The following TFAP2A variants were observed in gnomAD, a reference collection of about 807,000 sequenced individuals.
The protein encoded by TFAP2A is transcription factor AP-2-alpha.
In TFAP2A, 7 loss-of-function variants were observed where a neutral mutation model predicts 41.5. That is an observed-to-expected ratio of 0.17 (90% CI 0.10 to 0.32). The LOEUF (loss-of-function observed/expected upper bound fraction) is 0.32. Ranked by LOEUF, TFAP2A falls within the 10% of genes least tolerant of loss-of-function variation. The probability of loss-of-function intolerance (pLI) is 1.00; values close to 1 mark genes in which losing one functional copy is unlikely to be tolerated. For missense variants in TFAP2A, 416 were observed against 563.3 expected (o/e 0.74, Z 2.65); for synonymous variants, 247 against 242.8 (o/e 1.02, Z -0.16).
At chr6:10,416,841 G>GCTA (rs1758264135), upstream of TFAP2A, 1 of 152,348 alleles carries the variant, frequency 6.6e-6, no homozygotes. Flanking sequence ...GCTCCAAAAA[G>GCTA]CTAGGGAGAA....
chr6:10,400,494 C>T lies in TFAP2A; in HGVS notation c.985G>A (p.Asp329Asn), dbSNP rs575186761. 44 of 1,614,030 alleles carry T rather than the reference C, an allele frequency of 2.7e-5. No individual in the cohort carries two copies. The highest frequency in any genetic ancestry group is 3.4e-5 in the Non-Finnish European group (40 of 1,180,040). ...TTTCTTGTCACTTGCTCATTGGGATCGGAATGTTGTCGGTTGAGAAATTCA... is the reference window on the plus strand; with the variant it reads ...TTTCTTGTCACTTGCTCATTGGGATTGGAATGTTGTCGGTTGAGAAATTCA... ...VAEFLNRQHS[D>N]PNEQVTRKNM... Residue 329 changes from aspartate (D) to asparagine (N), a missense_variant, in exon 6 of 7, where the codon GAT (aspartate) becomes AAT (asparagine). This residue lies in a region of TFAP2A where 116 missense variants were observed against 153.8 expected (regional missense o/e 0.75). Transcript: ENST00000379613.
At chr6:10,415,221 A>G, upstream of TFAP2A, 3 of 1,472,052 alleles carry the variant, frequency 2.0e-6, no homozygotes, top group Non-Finnish European at 2.7e-6. Context: ...GGAGGAGAGA[A>G]GGGAAAGAGC....
At position 10,410,247 on chromosome 6, in the gene TFAP2A, A is replaced by G. The variant is rs751224702; in HGVS notation, c.140T>C (p.Leu47Pro). ...GAAGTCGGCATTGGGGGTGTGGGAC[A>G]GCGGCGGGGCGCTCGTGTAGGGAGA... ...GQSPYTSAPP[L>P]SHTPNADFQP... is the part of the protein sequence containing the mutation. The change falls in exon 2 of 7, where the codon CTG becomes CCG. Residue 47 changes from leucine to proline, a missense_variant. Transcript: ENST00000379613. The G allele has an allele frequency of 9.3e-6, 15 of 1,611,804 alleles. No homozygotes were observed. The highest frequency in any genetic ancestry group is 1.2e-5 in the Non-Finnish European group (14 of 1,179,152).
At chr6:10,404,250 C>T (rs1410059159) in intron 4 of TFAP2A, among the ~76,000 whole-genome samples, 1 of 152,164 alleles carries the variant, frequency 6.6e-6, no homozygotes, top group Non-Finnish European at 1.5e-5. Context: ...TCCGCGAGCG[C>T]GCGGCAGCGA....
chr6:10,402,381 C>T, intron 5 of TFAP2A, 111 bp downstream of exon 5: 1 of 858,792 alleles, frequency 1.2e-6, no homozygotes, highest in Non-Finnish European at 2.0e-6. Context: ...ATATTCTCTG[C>T]AAAGATGAAA....
chr6:10,411,626 G>C, intron 1 of TFAP2A: 1 of 1,613,806 alleles, frequency 6.2e-7, no homozygotes, highest in Non-Finnish European at 8.5e-7. Context: ...ACGAGTCAGG[G>C]TGGAAAAAAA....
Position 10,411,703 on chromosome 6 carries a change from C to T in TFAP2A, c.52-1368G>A, listed in dbSNP as rs1009527188. ...CGCCCCACACAAAAGGCGCCGAGAG[C>T]CCCGCGCCACCCAGGACTCCAGTCA... On this transcript the variant is annotated intron_variant, in intron 1 of 6. Coordinates refer to ENST00000379613, the MANE Select transcript of TFAP2A (RefSeq NM_001372066.1). 5 of 1,578,676 alleles carry T rather than the reference C, an allele frequency of 3.2e-6. No homozygotes were observed. In the African/African-American group the frequency reaches 5.4e-5, roughly 17 times the overall value.
chr6:10,414,458 G>A (rs1196505962), intron 1 of TFAP2A: 2 of 269,626 alleles, frequency 7.4e-6, no homozygotes, highest in South Asian at 3.8e-5. Flanking sequence ...GGGGTGGGGG[G>A]AAGAAAGAAT....
chr6:10,415,036 T>C lies in TFAP2A; in HGVS notation c.-45A>G, dbSNP rs1020933243. The C allele has an allele frequency of 6.2e-7, 1 of 1,613,716 alleles. No homozygotes were observed. Among genetic ancestry groups the C allele is most frequent in the Non-Finnish European group, 8.5e-7 (1 of 1,179,956 alleles). On this transcript the variant is annotated 5_prime_UTR_variant, in exon 1 of 7. Coordinates refer to ENST00000379613, the MANE Select transcript of TFAP2A (RefSeq NM_001372066.1). ...TGCCCCTCTCGGTCTCGCACCCAAG[T>C]GGAGCTACTCTCTGGGTGAGCGCAA... is the stretch of plus-strand genomic sequence containing the variant.
intron 2 of TFAP2A, chr6:10,407,194 G>A (rs189525197): frequency 9.9e-4 from 298 of 302,074 alleles, no homozygotes; most frequent in Non-Finnish European, 1.6e-3. Flanking sequence ...TTAGATTGGC[G>A]CCTCAGCGGC....
At chr6:10,417,610 G>A (rs1425798247), upstream of TFAP2A, among the ~76,000 whole-genome samples, 1 of 152,230 alleles carries the variant, frequency 6.6e-6, no homozygotes, top group Non-Finnish European at 1.5e-5. Flanking sequence ...GGGCGTCGCG[G>A]GGAAGAGGGA....
chr6:10,403,009 G>C (rs995637227), intron 4 of TFAP2A, among the ~76,000 whole-genome samples: 3 of 152,242 alleles, frequency 2.0e-5, no homozygotes, highest in Admixed American at 6.5e-5. Flanking sequence ...TGCAAGATAT[G>C]CTGTTAGGTT....
At chr6:10,418,910 C>T (rs1454821899), upstream of TFAP2A, among the ~76,000 whole-genome samples, 2 of 152,154 alleles carry the variant, frequency 1.3e-5, no homozygotes, top group Non-Finnish European at 2.9e-5. Flanking sequence ...CTTCACACAT[C>T]CTAGATCTCC....
At chr6:10,401,868 T>C (rs761169037) in intron 5 of TFAP2A, among the ~76,000 whole-genome samples, 4 of 152,182 alleles carry the variant, frequency 2.6e-5, no homozygotes, top group Non-Finnish European at 5.9e-5. Flanking sequence ...TGGCTTTTTG[T>C]TTTGAGGCAT....
intron 1 of TFAP2A, chr6:10,412,138 C>T (rs1420449478): frequency 2.0e-6 from 2 of 991,708 alleles, no homozygotes; most frequent in East Asian, 1.1e-4. Flanking sequence ...CAATGCAGTC[C>T]ATTGACGGGA....
intron 4 of TFAP2A, 30 bp downstream of exon 4, chr6:10,404,478 C>G (rs953690303): frequency 1.1e-5 from 16 of 1,459,444 alleles, no homozygotes; most frequent in Non-Finnish European, 1.5e-5. Flanking sequence ...GGCCGCGGGG[C>G]GGGGCGGGCG....
chr6:10,405,216 C>T (rs1233111928), intron 3 of TFAP2A: 1 of 158,794 alleles, frequency 6.3e-6, no homozygotes, highest in Non-Finnish European at 1.4e-5. Context: ...GCTTCAAAGA[C>T]CCATTATTAA....
chr6:10,415,074 C>A lies in TFAP2A; in HGVS notation c.-83G>T, dbSNP rs1800927. On this transcript the variant is annotated 5_prime_UTR_variant, in exon 1 of 7. Coordinates refer to ENST00000379613, the MANE Select transcript of TFAP2A (RefSeq NM_001372066.1). ...TGGGTGAGCGCAAAGTGCTGGCTGC[C>A]GGCGGTGAGCGCAGGAGGAGGAGGA... 5 of 1,611,430 alleles carry A rather than the reference C, an allele frequency of 3.1e-6. No homozygotes were observed. Among genetic ancestry groups the A allele is most frequent in the Non-Finnish European group, 3.4e-6 (4 of 1,178,948 alleles).
intron 3 of TFAP2A, 164 bp downstream of exon 3, chr6:10,406,629 C>T: frequency 1.5e-6 from 1 of 675,874 alleles, no homozygotes; most frequent in East Asian, 2.7e-5. Context: ...TACCAACATA[C>T]TGAAGGCTGA....
Sources: gnomAD v4.1 joint callset for allele counts (sites outside exome capture counted in the v4.1 genomes callset) on GRCh38, gnomAD v4.1.1 for gene constraint, gnomAD v4.1.1 regional missense constraint, MANE v1.5 for transcripts, NCBI Gene and HGNC (gene_info 2026-07-23, HGNC 2026-07-21) for gene names.